Variants in CADPS observed in about 807,000 individuals in gnomAD.
CADPS encodes the protein calcium dependent secretion activator.
Under a neutral mutation model 167.3 loss-of-function variants are expected in CADPS, and 57 were observed. The ratio of observed to expected loss-of-function variants is 0.34; its 90% CI spans 0.28 to 0.42. The LOEUF (loss-of-function observed/expected upper bound fraction) is 0.42, where lower values mean the gene tolerates loss of function less well. Among genes scored for constraint, CADPS ranks in the 20% least tolerant of loss-of-function variants. CADPS has a pLI of 1.00. For missense variants in CADPS, 1,414 were observed against 1,738.1 expected, an observed-to-expected ratio of 0.81 and a Z score of 3.32; for synonymous variants, 676 against 635.3, an observed-to-expected ratio of 1.06 and a Z score of -0.96.
At chr3:62,791,190 A>T (rs1272535250) in intron 1 of CADPS, among the ~76,000 whole-genome samples, 3 of 152,212 alleles carry the variant, frequency 2.0e-5, no homozygotes, top group Admixed American at 6.5e-5. Context: ...AATATTCTAT[A>T]GCAGTATAGT....
intron 17 of CADPS, among the ~76,000 whole-genome samples, chr3:62,501,743 A>T (rs190346940): frequency 0.018 from 2,651 of 151,456 alleles, 40 homozygotes; most frequent in Middle Eastern, 0.068. Context: ...TGCACTTTTT[A>T]AAAAAAAGTC....
At chr3:62,769,413 G>T (rs2087889609) in intron 1 of CADPS, among the ~76,000 whole-genome samples, 1 of 151,918 alleles carries the variant, frequency 6.6e-6, no homozygotes, top group Non-Finnish European at 1.5e-5. Context: ...TGTATTTTTA[G>T]TAGAGATGAG....
intron 6 of CADPS, among the ~76,000 whole-genome samples, chr3:62,617,642 CTTAT>C (rs1201692373): frequency 1.3e-5 from 2 of 151,980 alleles, no homozygotes; most frequent in African/African-American, 4.8e-5. Flanking sequence ...AATGTGGGAG[CTTAT>C]TTAATTTGGG....
At chr3:62,519,097 C>G (rs1028143122) in intron 13 of CADPS, among the ~76,000 whole-genome samples, 1 of 152,124 alleles carries the variant, frequency 6.6e-6, no homozygotes, top group Non-Finnish European at 1.5e-5. Flanking sequence ...ATATTTATAG[C>G]CCAAATTTAT....
chr3:62,615,115 T>A (rs1313112473), intron 6 of CADPS, among the ~76,000 whole-genome samples: 1 of 152,166 alleles, frequency 6.6e-6, no homozygotes, highest in Non-Finnish European at 1.5e-5. Context: ...GGTCTGAGAA[T>A]AATGGTTTGC....
At chr3:62,464,836 G>A (rs1191441915) in intron 26 of CADPS, among the ~76,000 whole-genome samples, 3 of 152,092 alleles carry the variant, frequency 2.0e-5, no homozygotes, top group African/African-American at 7.2e-5. Flanking sequence ...AGCTCCAGCA[G>A]AGTTGCTGTG....
At chr3:62,837,639 C>CTG in intron 1 of CADPS, among the ~76,000 whole-genome samples, 1 of 152,218 alleles carries the variant, frequency 6.6e-6, no homozygotes, top group African/African-American at 2.4e-5. Flanking sequence ...TCTGGTGACC[C>CTG]TGTGCCAGTA....
chr3:62,549,848 G>C, intron 11 of CADPS, 55 bp downstream of exon 11: 2 of 1,344,110 alleles, frequency 1.5e-6, no homozygotes, highest in South Asian at 2.6e-5. Context: ...ATTCAACTTT[G>C]GAAGGTTTAC....
intron 1 of CADPS, among the ~76,000 whole-genome samples, chr3:62,853,842 G>C (rs1356032327): frequency 1.3e-5 from 2 of 151,982 alleles, no homozygotes; most frequent in East Asian, 3.9e-4. Flanking sequence ...TGTATTCCCA[G>C]TTACTTGGGG....
intron 2 of CADPS, among the ~76,000 whole-genome samples, chr3:62,765,388 A>C (rs2086575096): frequency 6.6e-6 from 1 of 152,188 alleles, no homozygotes; most frequent in Non-Finnish European, 1.5e-5. Context: ...TCCAGAAAAG[A>C]AAGCAGCATT....
intron 3 of CADPS, among the ~76,000 whole-genome samples, chr3:62,749,429 G>A (rs1040052037): frequency 2.9e-4 from 44 of 152,166 alleles, no homozygotes; most frequent in Admixed American, 2.8e-3. Context: ...CCTAGGATAC[G>A]ATATGCGTAA....
chr3:62,694,512 C>G (rs2151379017), intron 3 of CADPS, among the ~76,000 whole-genome samples: 1 of 152,104 alleles, frequency 6.6e-6, no homozygotes, highest in East Asian at 1.9e-4. Flanking sequence ...GGGGGAAGAT[C>G]AATTACATTA....
chr3:62,690,509 G>A (rs892111733), intron 3 of CADPS, among the ~76,000 whole-genome samples: 7 of 151,862 alleles, frequency 4.6e-5, no homozygotes, highest in Non-Finnish European at 8.8e-5. Context: ...TGCCTGACTT[G>A]TCAATACAAT....
intron 10 of CADPS, among the ~76,000 whole-genome samples, chr3:62,552,023 C>T (rs2077390810): frequency 6.6e-6 from 1 of 151,800 alleles, no homozygotes; most frequent in Non-Finnish European, 1.5e-5. Context: ...CTGCTGTATC[C>T]CTGGAGCCTA....
At chr3:62,530,778 G>A (rs1303308063) in intron 13 of CADPS, 2 of 1,286,732 alleles carry the variant, frequency 1.6e-6, no homozygotes, top group Non-Finnish European at 2.0e-6. Context: ...TCTGTATTTG[G>A]TGGCAGCCCA....
chr3:62,832,276 G>C (rs2075224262), intron 1 of CADPS, among the ~76,000 whole-genome samples: 1 of 152,302 alleles, frequency 6.6e-6, no homozygotes, highest in South Asian at 2.1e-4. Flanking sequence ...TTAAGGTTGA[G>C]AGCCACCAAT....
intron 9 of CADPS, among the ~76,000 whole-genome samples, chr3:62,559,558 G>A (rs2078780969): frequency 6.6e-6 from 1 of 151,806 alleles, no homozygotes; most frequent in African/African-American, 2.4e-5. Context: ...GCAATGGCAT[G>A]ATCTTGGCTC....
intron 28 of CADPS, among the ~76,000 whole-genome samples, chr3:62,437,287 C>T (rs143311098): frequency 3.3e-4 from 50 of 151,494 alleles, no homozygotes; most frequent in African/African-American, 1.2e-3. Context: ...AATTAGGTAG[C>T]CTCATCTGCT....
chr3:62,562,896 C>G (rs2079431400), intron 9 of CADPS, among the ~76,000 whole-genome samples: 1 of 152,218 alleles, frequency 6.6e-6, no homozygotes, highest in South Asian at 2.1e-4. Context: ...AACTGAGGGC[C>G]TGTACTGGAA....
Sources: gnomAD v4.1 joint callset for allele counts (sites outside exome capture counted in the v4.1 genomes callset) on GRCh38, gnomAD v4.1.1 for gene constraint, MANE v1.5 for transcripts, NCBI Gene and HGNC (gene_info 2026-07-23, HGNC 2026-07-21) for gene names.